The following TRABD2B variants were observed in gnomAD, a reference collection of about 807,000 sequenced individuals.
The protein encoded by TRABD2B is TraB domain containing 2B.
A neutral mutation model predicts 40.1 loss-of-function variants in TRABD2B; 14 were observed. The ratio of observed to expected loss-of-function variants is 0.35; its 90% CI spans 0.23 to 0.55. The LOEUF is 0.55. Among genes scored for constraint, TRABD2B ranks in the 20% least tolerant of loss-of-function variants. The pLI is 0.90. For missense variants in TRABD2B, 541 were observed against 648.6 expected (o/e 0.83, Z 1.80); for synonymous variants, 263 against 277.0 (o/e 0.95, Z 0.50).
At chr1:47,914,659 T>C (rs1644806512) in intron 2 of TRABD2B, among the ~76,000 whole-genome samples, 1 of 152,216 alleles carries the variant, frequency 6.6e-6, no homozygotes, top group East Asian at 1.9e-4. Flanking sequence ...TTCCCTCCAT[T>C]GCCAAATCTT....
At chr1:47,826,819 C>T (rs1645182099) in intron 2 of TRABD2B, among the ~76,000 whole-genome samples, 1 of 152,202 alleles carries the variant, frequency 6.6e-6, no homozygotes, top group African/African-American at 2.4e-5. Flanking sequence ...GTGATCCTCC[C>T]TCCTTGGCCT....
At chr1:47,794,507 G>A (rs1043460611) in intron 4 of TRABD2B, 79 bp downstream of exon 4, 11 of 1,394,844 alleles carry the variant, frequency 7.9e-6, no homozygotes, top group East Asian at 5.4e-5. Flanking sequence ...CTTCTCCCTC[G>A]ATGAAGTAGA....
rs533714419 is a variant in TRABD2B, at chr1:47,827,338, A to C, written c.667-25719T>G. 2.0e-5 allele frequency among the ~76,000 whole-genome samples: 3 copies of C among 152,368 alleles called. No homozygotes were observed. The East Asian group carries it at 5.8e-4, about 29-fold the overall frequency. ...TTCTCAAATCGAGAGGCACATTTTC[A>C]GCATCTGCATGTGCTCTGCAGTGGG... On this transcript the variant is annotated intron_variant, in intron 2 of 6. Transcript: ENST00000606738.
intron 2 of TRABD2B, among the ~76,000 whole-genome samples, chr1:47,856,188 G>A (rs1327139251): frequency 2.0e-5 from 3 of 152,194 alleles, no homozygotes; most frequent in Non-Finnish European, 2.9e-5. Flanking sequence ...CCATGTAAGC[G>A]GGGTCTGCGG....
intron 2 of TRABD2B, among the ~76,000 whole-genome samples, chr1:47,901,255 GTTC>G (rs943058627): frequency 2.0e-5 from 3 of 152,202 alleles, no homozygotes; most frequent in Non-Finnish European, 2.9e-5. Context: ...CTTGGAACAA[GTTC>G]TTCTGCCTGG....
At chr1:47,891,255 A>G (rs1455731537) in intron 2 of TRABD2B, among the ~76,000 whole-genome samples, 7 of 152,232 alleles carry the variant, frequency 4.6e-5, no homozygotes, top group African/African-American at 1.7e-4. Context: ...TCCAGCTGTC[A>G]TAGAGCTTAC....
intron 4 of TRABD2B, among the ~76,000 whole-genome samples, chr1:47,787,538 T>C (rs923371440): frequency 2.0e-5 from 3 of 152,156 alleles, no homozygotes; most frequent in Non-Finnish European, 4.4e-5. Flanking sequence ...TGCTTAGCAC[T>C]AAACTCCCCC....
chr1:47,874,964 A>C (rs1644202785), intron 2 of TRABD2B, among the ~76,000 whole-genome samples: 1 of 152,010 alleles, frequency 6.6e-6, no homozygotes, highest in African/African-American at 2.4e-5. Context: ...ACTGCTTCTG[A>C]ACCCAGGAGC....
At chr1:47,856,422 G>A (rs1180972260) in intron 2 of TRABD2B, among the ~76,000 whole-genome samples, 2 of 152,250 alleles carry the variant, frequency 1.3e-5, no homozygotes, top group Admixed American at 6.5e-5. Context: ...AATAATGAAA[G>A]GGCTGGGTGG....
At chr1:47,860,490 C>A (rs1235539627) in intron 2 of TRABD2B, among the ~76,000 whole-genome samples, 1 of 152,170 alleles carries the variant, frequency 6.6e-6, no homozygotes, top group Admixed American at 6.5e-5. Flanking sequence ...CTTGAGTCTG[C>A]TTGAGAAATG....
At chr1:47,846,781 C>T (rs909326577) in intron 2 of TRABD2B, among the ~76,000 whole-genome samples, 2 of 151,572 alleles carry the variant, frequency 1.3e-5, no homozygotes, top group Admixed American at 1.3e-4. Context: ...GATCATCCAC[C>T]TAGACTGGGA....
intron 2 of TRABD2B, among the ~76,000 whole-genome samples, chr1:47,840,703 T>G (rs1457163069): frequency 6.6e-6 from 1 of 152,222 alleles, no homozygotes. Context: ...AGTTGAGTTA[T>G]GAGCTCCAAA....
chr1:47,866,812 A>T (rs1644064897), intron 2 of TRABD2B, among the ~76,000 whole-genome samples: 2 of 152,080 alleles, frequency 1.3e-5, no homozygotes, highest in South Asian at 4.1e-4. Context: ...TTATTCCCTG[A>T]CTTTCTAACA....
chr1:47,908,711 C>T (rs1557650349), intron 2 of TRABD2B, among the ~76,000 whole-genome samples: 1 of 152,234 alleles, frequency 6.6e-6, no homozygotes, highest in African/African-American at 2.4e-5. Context: ...GGAGCCAGCT[C>T]GGCCAGGCAC....
At chr1:47,769,855 C>A (rs1174367081) in intron 6 of TRABD2B, among the ~76,000 whole-genome samples, 1 of 152,208 alleles carries the variant, frequency 6.6e-6, no homozygotes, top group African/African-American at 2.4e-5. Flanking sequence ...ATCCTCTAGA[C>A]CTCGGTTTCC....
At chr1:47,815,104 G>T (rs150484166) in intron 2 of TRABD2B, among the ~76,000 whole-genome samples, 2 of 152,290 alleles carry the variant, frequency 1.3e-5, no homozygotes, top group East Asian at 3.9e-4. Context: ...GGCAGCTCGG[G>T]TCTCCTATGC....
intron 2 of TRABD2B, among the ~76,000 whole-genome samples, chr1:47,947,595 T>C (rs570205547): frequency 6.6e-6 from 1 of 152,022 alleles, no homozygotes; most frequent in East Asian, 1.9e-4. Flanking sequence ...CCAGAAGACA[T>C]GGTTGGAGGA....
At chr1:47,862,361 TG>T (rs554577933) in intron 2 of TRABD2B, among the ~76,000 whole-genome samples, 140 of 152,294 alleles carry the variant, frequency 9.2e-4, no homozygotes, top group African/African-American at 3.1e-3. Flanking sequence ...AAAAAACTCC[TG>T]GAACTAATAA....
intron 2 of TRABD2B, among the ~76,000 whole-genome samples, chr1:47,923,468 T>C (rs1644928082): frequency 6.6e-6 from 1 of 152,206 alleles, no homozygotes; most frequent in Non-Finnish European, 1.5e-5. Flanking sequence ...CCCTGACCAC[T>C]GCACAGGCTG....
Sources: allele counts gnomAD v4.1 joint callset (sites outside exome capture counted in the v4.1 genomes callset), GRCh38; gene constraint gnomAD v4.1.1; transcripts MANE v1.5; gene names NCBI Gene and HGNC (gene_info 2026-07-23, HGNC 2026-07-21).